Variants in LRRC37A2 observed in about 807,000 individuals in gnomAD.
LRRC37A2 encodes leucine-rich repeat-containing protein 37A2.
Under a neutral mutation model 68.8 loss-of-function variants are expected in LRRC37A2, and 9 were observed. That is an observed-to-expected ratio of 0.13 (90% CI 0.08 to 0.23). The LOEUF is 0.23. Ranked by LOEUF, LRRC37A2 falls within the 10% of genes least tolerant of loss-of-function variation. The pLI is 1.00. For synonymous variants in LRRC37A2, 63 were observed against 367.6 expected, an observed-to-expected ratio of 0.17 and a Z score of 9.48; for missense variants, 168 against 950.4, an observed-to-expected ratio of 0.18 and a Z score of 10.82.
the LRRC37A2 span, chr17:46,941,817 C>A: frequency 2.5e-6 from 1 of 394,696 alleles, no homozygotes; most frequent in Non-Finnish European, 3.4e-6. Flanking sequence ...AACTCCTGGC[C>A]TCAAGTGATC....
chr17:46,981,321 G>A, the LRRC37A2 span, among the ~76,000 whole-genome samples: 1 of 152,160 alleles, frequency 6.6e-6, no homozygotes, highest in African/African-American at 2.4e-5. Context: ...GGGAGGTGGG[G>A]TGAGATGCTG....
chr17:46,904,714 A>G, the LRRC37A2 span, among the ~76,000 whole-genome samples: 1 of 152,154 alleles, frequency 6.6e-6, no homozygotes, highest in Non-Finnish European at 1.5e-5. Context: ...AATTCAGGTT[A>G]GAGTGGACTG....
At chr17:46,848,445 T>G in the LRRC37A2 span, among the ~76,000 whole-genome samples, 1 of 152,300 alleles carries the variant, frequency 6.6e-6, no homozygotes, top group South Asian at 2.1e-4. Context: ...GGCCAGCCCT[T>G]CAGGAGCCCA....
At chr17:46,818,879 C>G in the LRRC37A2 span, 3 of 521,344 alleles carry the variant, frequency 5.8e-6, no homozygotes, top group Non-Finnish European at 1.0e-5. Flanking sequence ...AACTCGGGCT[C>G]CGGGAAGGGC....
chr17:46,526,099 C>A (rs2052721406), intron 6 of LRRC37A2, among the ~76,000 whole-genome samples: 1 of 101,244 alleles, frequency 9.9e-6, no homozygotes, highest in South Asian at 4.9e-4. Context: ...CAGAATAGAG[C>A]TGTACCCTTC....
At chr17:46,947,838 G>A in the LRRC37A2 span, among the ~76,000 whole-genome samples, 2 of 152,180 alleles carry the variant, frequency 1.3e-5, no homozygotes, top group African/African-American at 2.4e-5. Flanking sequence ...GCACAATCTC[G>A]GCTCACCGTA....
rs1179557017 is a variant in LRRC37A2 at position 46,534,671 on chromosome 17, C to T, written c.2907-5505C>T. On this transcript the variant is annotated intron_variant, in intron 6 of 14. Transcript: ENST00000576629. ...TTCCCCCTTTTCTATTCAACAAAACCACCATCGTCATCATGGCCCGTTCTC... is the reference window on the plus strand; with the variant it reads ...TTCCCCCTTTTCTATTCAACAAAACTACCATCGTCATCATGGCCCGTTCTC... Among the ~76,000 whole-genome samples the T allele has an allele frequency of 1.9e-4, 28 of 149,098 alleles. 3 individuals are homozygous for T. Among genetic ancestry groups the T allele is most frequent in the African/African-American group, 6.7e-4 (26 of 39,074 alleles).
chr17:46,992,198 C>CTAAATAAATAAATAAATAAATAAATAAA, the LRRC37A2 span, among the ~76,000 whole-genome samples: 31,702 of 143,374 alleles, frequency 0.22, 3,864 homozygotes, highest in South Asian at 0.3. Flanking sequence ...CCCATCTCTA[C>CTAAATAAATAAATAAATAAATAAATAAA]TAAATAAATA....
At chr17:46,772,470 A>T in the LRRC37A2 span, among the ~76,000 whole-genome samples, 2 of 152,184 alleles carry the variant, frequency 1.3e-5, no homozygotes, top group Middle Eastern at 3.2e-3. Flanking sequence ...ATTCAGCGCT[A>T]CCTGGCCCGA....
At chr17:46,916,780 A>T in the LRRC37A2 span, 4 of 152,260 alleles carry the variant, frequency 2.6e-5, no homozygotes, top group African/African-American at 9.6e-5. Flanking sequence ...AAAGACGTTT[A>T]TTCAGCTCAC....
chr17:47,000,097 A>AAAAAATAAAAT, the LRRC37A2 span, among the ~76,000 whole-genome samples: 3 of 121,410 alleles, frequency 2.5e-5, 1 homozygote, highest in East Asian at 1.2e-3. Context: ...AAAATAAAAT[A>AAAAAATAAAAT]AAATAAAATA....
chr17:46,967,704 C>T, the LRRC37A2 span, among the ~76,000 whole-genome samples: 1 of 151,938 alleles, frequency 6.6e-6, no homozygotes, highest in African/African-American at 2.4e-5. Context: ...TGAAAACTGG[C>T]TCAAGCATTC....
At chr17:46,712,759 C>T in the LRRC37A2 span, among the ~76,000 whole-genome samples, 2 of 151,684 alleles carry the variant, frequency 1.3e-5, no homozygotes, top group African/African-American at 4.9e-5. Flanking sequence ...CATGTTAACA[C>T]GTAAGGACTA....
chr17:46,988,968 T>C, the LRRC37A2 span, among the ~76,000 whole-genome samples: 82 of 152,018 alleles, frequency 5.4e-4, no homozygotes, highest in Admixed American at 5.4e-3. Context: ...AGACATAACA[T>C]GTGGGGGGCA....
the LRRC37A2 span, among the ~76,000 whole-genome samples, chr17:46,857,474 C>CAAAA: frequency 6.9e-3 from 652 of 94,620 alleles, 10 homozygotes; most frequent in African/African-American, 0.021. Flanking sequence ...GACTCTGTCT[C>CAAAA]AAAAAAAAAA....
At chr17:46,534,722 G>C (rs2054332631) in intron 6 of LRRC37A2, among the ~76,000 whole-genome samples, 1 of 150,118 alleles carries the variant, frequency 6.7e-6, no homozygotes, top group Non-Finnish European at 1.5e-5. Flanking sequence ...ACACCTCCCA[G>C]ACGGGGTGGC....
the LRRC37A2 span, among the ~76,000 whole-genome samples, chr17:46,979,484 A>G: frequency 2.0e-4 from 30 of 152,316 alleles, no homozygotes; most frequent in African/African-American, 6.7e-4. Context: ...TCTTGGCTAG[A>G]AAACCTCTCC....
chr17:46,905,565 T>C, the LRRC37A2 span, among the ~76,000 whole-genome samples: 4 of 152,216 alleles, frequency 2.6e-5, no homozygotes, highest in Non-Finnish European at 4.4e-5. Context: ...TGGTGCAGGA[T>C]GGCACCTGTG....
the LRRC37A2 span, among the ~76,000 whole-genome samples, chr17:46,980,864 G>C: frequency 6.6e-6 from 1 of 151,748 alleles, no homozygotes; most frequent in Admixed American, 6.6e-5. Flanking sequence ...AATAAAAAAA[G>C]AAAAAAAGAA....
Sources: allele counts gnomAD v4.1 joint callset (sites outside exome capture counted in the v4.1 genomes callset), GRCh38; gene constraint gnomAD v4.1.1; transcripts MANE v1.5; gene names NCBI Gene and HGNC (gene_info 2026-07-23, HGNC 2026-07-21).